EIF2AK2: variants seen among roughly 807,000 people sequenced by gnomAD.
EIF2AK2 encodes interferon-induced, double-stranded RNA-activated protein kinase.
In EIF2AK2, 40 loss-of-function variants were observed where a neutral mutation model predicts 70.5. The observed-to-expected ratio is 0.57, with a 90% confidence interval of 0.44 to 0.74. The LOEUF (loss-of-function observed/expected upper bound fraction) is 0.74, where lower values mean the gene tolerates loss of function less well. EIF2AK2 is among the 30% of genes least tolerant of loss of function. EIF2AK2 has a pLI of 0.00. For synonymous variants in EIF2AK2, 198 were observed against 220.9 expected (o/e 0.90, Z 0.92); for missense variants, 555 against 644.3 (o/e 0.86, Z 1.50).
chr2:37,122,723 A>G (rs1429665162), intron 11 of EIF2AK2, 59 bp from the exon 12 acceptor site: 13 of 1,595,692 alleles, frequency 8.1e-6, no homozygotes, highest in Non-Finnish European at 1.1e-5. Context: ...TAACAACCAC[A>G]AAACACCTCA....
At chr2:37,122,420 T>C in intron 12 of EIF2AK2, 86 bp downstream of exon 12, 2 of 1,369,872 alleles carry the variant, frequency 1.5e-6, no homozygotes. Flanking sequence ...ATCGTGATGA[T>C]TAATAGCCTT....
At chr2:37,131,439 GA>G (rs2148691255) in intron 10 of EIF2AK2, among the ~76,000 whole-genome samples, 1 of 152,194 alleles carries the variant, frequency 6.6e-6, no homozygotes, top group African/African-American at 2.4e-5. Flanking sequence ...CACATTCTAT[GA>G]ACCTCTTCAG....
At chr2:37,142,352 C>T (rs1675364528) in intron 4 of EIF2AK2, among the ~76,000 whole-genome samples, 1 of 152,024 alleles carries the variant, frequency 6.6e-6, no homozygotes, top group Admixed American at 6.6e-5. Context: ...AGGCTGTTCT[C>T]GAACTCCTAA....
rs994853045 is a variant in EIF2AK2 at position 37,109,082 on chromosome 2, C to A, written c.1479+112G>T. 54 of 830,188 alleles carry A rather than the reference C, an allele frequency of 6.5e-5. No individual in the cohort carries two copies. The African/African-American group carries it at 8.3e-4, about 13-fold the overall frequency. 51.4% of individuals were successfully genotyped at this position (830,188 alleles called of 1,614,324 possible). On this transcript the variant is annotated intron_variant, in intron 15 of 16. Coordinates refer to ENST00000233057, the MANE Select transcript of EIF2AK2 (RefSeq NM_001135651.3). ...TTCATATTTCATTTGCAGTCAGATACTAATATGCTCAAGCCCATCCTCACG... is the reference window on the plus strand; with the variant it reads ...TTCATATTTCATTTGCAGTCAGATAATAATATGCTCAAGCCCATCCTCACG...
rs910958799 is a variant in EIF2AK2, at chr2:37,103,193, T to G, written c.*4080A>C. On this transcript the variant is annotated 3_prime_UTR_variant, in exon 17 of 17. Transcript: ENST00000233057. ...ATAAGAGTAGGAATATATATATCTT[T>G]TTTTTTCTTTTTTTTTTTTGAGACT... The G allele has an allele frequency of 6.6e-6, 1 of 151,934 alleles. No homozygotes were observed. Among genetic ancestry groups the G allele is most frequent in the Non-Finnish European group, 1.5e-5 (1 of 68,052 alleles). 9.4% of individuals were successfully genotyped at this position (151,934 alleles called of 1,614,324 possible).
chr2:37,114,356 A>G (rs2148668956), intron 14 of EIF2AK2, among the ~76,000 whole-genome samples: 1 of 152,212 alleles, frequency 6.6e-6, no homozygotes, highest in Admixed American at 6.5e-5. Context: ...TAGTTAAATT[A>G]TGGTATCTCC....
rs201353884 is a variant in EIF2AK2 at position 37,143,892 on chromosome 2, GACA to G, written c.241-2194_241-2192del. 1.2e-3 allele frequency among the ~76,000 whole-genome samples: 186 copies of G among 151,800 alleles called. 3 individuals carry two copies. The East Asian group carries it at 0.03, about 25-fold the overall frequency. Reference sequence around the variant, plus strand: ...AGAGTACGACCCTGTCTCAAAAAACGACAACAACAACAACAAAAAAACTATTTA... The same window carrying G: ...AGAGTACGACCCTGTCTCAAAAAACGACAACAACAACAAAAAAACTATTTA... On this transcript the variant is annotated intron_variant, in intron 4 of 16. Transcript: ENST00000233057.
At chr2:37,112,986 AAAT>A (rs1674208732) in intron 14 of EIF2AK2, among the ~76,000 whole-genome samples, 1 of 152,266 alleles carries the variant, frequency 6.6e-6, no homozygotes, top group African/African-American at 2.4e-5. Context: ...AATAGCATTT[AAAT>A]AATTAACTGC....
chr2:37,135,632 CT>C (rs200179336), intron 9 of EIF2AK2, 86 bp from the exon 10 acceptor site: 158 of 1,253,502 alleles, frequency 1.3e-4, no homozygotes, highest in South Asian at 7.3e-4. Flanking sequence ...CTTTTTCTTT[CT>C]TTTTTTTTCT....
intron 10 of EIF2AK2, among the ~76,000 whole-genome samples, chr2:37,129,840 A>C (rs1674878311): frequency 6.6e-6 from 1 of 152,128 alleles, no homozygotes; most frequent in African/African-American, 2.4e-5. Flanking sequence ...ACCCTACACC[A>C]AAGCTACCCC....
chr2:37,154,240 G>C (rs1355374909), intron 1 of EIF2AK2, among the ~76,000 whole-genome samples: 1 of 151,878 alleles, frequency 6.6e-6, no homozygotes, highest in Admixed American at 6.6e-5. Flanking sequence ...AAGGAGAATC[G>C]CTTGAACCCA....
intron 6 of EIF2AK2, among the ~76,000 whole-genome samples, chr2:37,139,321 A>G (rs919017017): frequency 5.3e-5 from 8 of 151,676 alleles, no homozygotes; most frequent in African/African-American, 1.9e-4. Flanking sequence ...TCTCAAAAAA[A>G]AAAAAAAAAA....
At chr2:37,130,302 A>T (rs1400439313) in intron 10 of EIF2AK2, among the ~76,000 whole-genome samples, 1 of 152,100 alleles carries the variant, frequency 6.6e-6, no homozygotes, top group Non-Finnish European at 1.5e-5. Context: ...GGGTTTCCCC[A>T]TGTTGGCCTA....
At chr2:37,126,473 C>T (rs1432772942) in intron 10 of EIF2AK2, 62 bp from the exon 11 acceptor site, 12 of 1,563,734 alleles carry the variant, frequency 7.7e-6, no homozygotes, top group African/African-American at 1.4e-5. Flanking sequence ...CCCCCGCCTC[C>T]CCACTCCTTT....
rs753076787 is a variant in EIF2AK2 at position 37,103,821 on chromosome 2, A to G, written c.*3452T>C. 2 of 152,126 alleles carry G rather than the reference A, an allele frequency of 1.3e-5. No homozygotes were observed. The highest frequency in any genetic ancestry group is 2.9e-5 in the Non-Finnish European group (2 of 68,032). 9.4% of individuals were successfully genotyped at this position (152,126 alleles called of 1,614,324 possible). A position where few individuals can be genotyped will look rare whatever the true frequency, so the allele number is the denominator to read the frequency against. On this transcript the variant is annotated 3_prime_UTR_variant, in exon 17 of 17. Coordinates refer to ENST00000233057, the MANE Select transcript of EIF2AK2 (RefSeq NM_001135651.3). ...GACATCATGACACACTTGGCCTCTA[A>G]ATGTTTGTGCATGCATTGCCTAAAA...
chr2:37,130,168 C>T (rs937589298), intron 10 of EIF2AK2, among the ~76,000 whole-genome samples: 5 of 152,194 alleles, frequency 3.3e-5, no homozygotes, highest in Admixed American at 3.3e-4. Context: ...ATGGCGCAAT[C>T]TTGGCTCACT....
At chr2:37,151,936 C>G (rs916313031) in intron 1 of EIF2AK2, among the ~76,000 whole-genome samples, 3 of 152,168 alleles carry the variant, frequency 2.0e-5, no homozygotes, top group South Asian at 2.1e-4. Context: ...CGCGGTGGCG[C>G]GCGCCTGTAG....
intron 1 of EIF2AK2, among the ~76,000 whole-genome samples, chr2:37,152,600 A>G (rs1020979453): frequency 6.6e-6 from 1 of 152,026 alleles, no homozygotes; most frequent in Admixed American, 6.5e-5. Flanking sequence ...TTTTTAACAC[A>G]CCTTAATCTT....
At chr2:37,134,357 G>T (rs553962073) in intron 10 of EIF2AK2, among the ~76,000 whole-genome samples, 55 of 152,288 alleles carry the variant, frequency 3.6e-4, no homozygotes, top group Middle Eastern at 3.4e-3. Context: ...AAATTTCCGT[G>T]TAAGATCCTT....
Sources: gnomAD v4.1 joint callset for allele counts (sites outside exome capture counted in the v4.1 genomes callset) on GRCh38, gnomAD v4.1.1 for gene constraint, MANE v1.5 for transcripts, NCBI Gene and HGNC (gene_info 2026-07-23, HGNC 2026-07-21) for gene names.